The following OSBPL8 variants were observed in gnomAD, a reference collection of about 807,000 sequenced individuals.
OSBPL8 encodes the protein oxysterol binding protein like 8, also known as oxysterol-binding protein-related protein 8.
A neutral mutation model predicts 125.5 loss-of-function variants in OSBPL8; 59 were observed. The observed-to-expected ratio is 0.47, with a 90% confidence interval of 0.38 to 0.58. The LOEUF (loss-of-function observed/expected upper bound fraction) is 0.58, where lower values mean the gene tolerates loss of function less well. Ranked by LOEUF, OSBPL8 falls within the 20% of genes least tolerant of loss-of-function variation. OSBPL8 has a pLI of 0.00. For synonymous variants in OSBPL8, 330 were observed against 338.9 expected, an observed-to-expected ratio of 0.97 and a Z score of 0.29; for missense variants, 758 against 1,047.8, an observed-to-expected ratio of 0.72 and a Z score of 3.82.
Position 76,418,812 on chromosome 12 carries a change from G to A in OSBPL8, c.218-8178C>T, listed in dbSNP as rs955868591. ...GGTGCCTCTGTGCTCCAGCCTGGGCGACAGAGTGAGACTCCATCTCAAAAC... is the reference window on the plus strand; with the variant it reads ...GGTGCCTCTGTGCTCCAGCCTGGGCAACAGAGTGAGACTCCATCTCAAAAC... On this transcript the variant is annotated intron_variant, in intron 4 of 23. Transcript: ENST00000261183. 3.3e-5 allele frequency among the ~76,000 whole-genome samples: 5 copies of A among 152,214 alleles called. No individual in the cohort carries two copies. The South Asian group carries it at 6.2e-4, about 19-fold the overall frequency.
chr12:76,549,424 CT>C (rs1223783477), intron 1 of OSBPL8, among the ~76,000 whole-genome samples: 1 of 151,936 alleles, frequency 6.6e-6, no homozygotes, highest in Non-Finnish European at 1.5e-5. Flanking sequence ...ATGACTCCTT[CT>C]TTTTTTCTTT....
intron 2 of OSBPL8, among the ~76,000 whole-genome samples, chr12:76,464,042 C>T (rs74103470): frequency 0.046 from 6,979 of 152,230 alleles, 578 homozygotes; most frequent in African/African-American, 0.16. Context: ...AAATGCTAGG[C>T]GTTCTTCTTG....
rs563913977 is a variant in OSBPL8 at position 76,522,573 on chromosome 12, C to T, written c.-67-34955G>A. Among the ~76,000 whole-genome samples the T allele has an allele frequency of 2.6e-5, 4 of 152,170 alleles. No homozygotes were observed. The East Asian group carries it at 7.8e-4, about 30-fold the overall frequency. On this transcript the variant is annotated intron_variant, in intron 1 of 23. Transcript: ENST00000261183. ...GTGGGTTGCTATAAAGCCAGGACAC[C>T]CTTTAGGTTTGGTATCTCTTCACAT...
intron 4 of OSBPL8, among the ~76,000 whole-genome samples, chr12:76,416,807 A>G (rs1868733644): frequency 6.6e-6 from 1 of 152,064 alleles, no homozygotes; most frequent in Non-Finnish European, 1.5e-5. Context: ...ACCTAGATTT[A>G]TATTTATCTT....
At chr12:76,384,583 C>T (rs1389970635) in intron 14 of OSBPL8, among the ~76,000 whole-genome samples, 1 of 152,130 alleles carries the variant, frequency 6.6e-6, no homozygotes, top group African/African-American at 2.4e-5. Flanking sequence ...TTATATTGTA[C>T]TGAAGTTGGT....
chr12:76,550,282 A>G (rs1436130073), intron 1 of OSBPL8, among the ~76,000 whole-genome samples: 2 of 152,186 alleles, frequency 1.3e-5, no homozygotes, highest in South Asian at 2.1e-4. Flanking sequence ...AATAAAGTCT[A>G]CTAATTCTCT....
chr12:76,458,804 T>C (rs977664273), intron 3 of OSBPL8, among the ~76,000 whole-genome samples: 5 of 152,174 alleles, frequency 3.3e-5, no homozygotes, highest in African/African-American at 1.2e-4. Context: ...TGATCTAGAC[T>C]AAAAAAGTTT....
chr12:76,440,421 T>C (rs1051582558), intron 4 of OSBPL8, among the ~76,000 whole-genome samples: 2 of 152,196 alleles, frequency 1.3e-5, no homozygotes, highest in African/African-American at 4.8e-5. Context: ...TTTTAAATTA[T>C]GAGCTCATAT....
chr12:76,483,711 G>A (rs1445709492), intron 2 of OSBPL8, among the ~76,000 whole-genome samples: 2 of 84,996 alleles, frequency 2.4e-5, no homozygotes, highest in East Asian at 4.3e-4. Flanking sequence ...TTTCACTCTT[G>A]TCACCCAGGC....
At chr12:76,367,980 A>G (rs1952483632) in intron 21 of OSBPL8, among the ~76,000 whole-genome samples, 1 of 152,234 alleles carries the variant, frequency 6.6e-6, no homozygotes, top group South Asian at 2.1e-4. Flanking sequence ...TACAAACTAA[A>G]ATTACAATAG....
At chr12:76,483,263 A>G (rs1021899825) in intron 2 of OSBPL8, among the ~76,000 whole-genome samples, 26 of 133,526 alleles carry the variant, frequency 1.9e-4, no homozygotes, top group African/African-American at 7.3e-4. Flanking sequence ...TCTGTCTCAA[A>G]AAATAACATA....
intron 2 of OSBPL8, among the ~76,000 whole-genome samples, chr12:76,483,170 G>T (rs1171522591): frequency 2.0e-5 from 3 of 152,046 alleles, no homozygotes; most frequent in African/African-American, 7.3e-5. Context: ...TGAGACAGGA[G>T]AATGATGTGA....
chr12:76,369,725 T>C lies in OSBPL8; in HGVS notation c.2152A>G (p.Arg718Gly), dbSNP rs773727707. 23 of 1,613,612 alleles carry C rather than the reference T, an allele frequency of 1.4e-5. No homozygotes were observed. The Admixed American group carries it at 1.8e-4, about 13-fold the overall frequency. ...TCTTCATTTTTTGTTTTCCGATCCCTGGCAGCTTGTCTTTGAGCTTCTTCC... is the reference window on the plus strand; with the variant it reads ...TCTTCATTTTTTGTTTTCCGATCCCCGGCAGCTTGTCTTTGAGCTTCTTCC... ...VLEEAQRQAA[R>G]DRKTKNEEWS... Residue 718 changes from arginine to glycine, a missense_variant, in exon 20 of 24, where the codon AGG becomes GGG. By Grantham distance (125) the Arg-to-Gly change is moderately radical. Around this residue, in one of 3 missense-constraint regions of OSBPL8, gnomAD observed 572 missense variants for 762.0 expected, o/e 0.75. Transcript: ENST00000261183.
At chr12:76,467,871 G>A (rs73383601) in intron 2 of OSBPL8, among the ~76,000 whole-genome samples, 6,054 of 152,050 alleles carry the variant, frequency 0.04, 369 homozygotes, top group African/African-American at 0.13. Context: ...TATGTATTAC[G>A]GTTTATTCAA....
chr12:76,394,359 A>G (rs928671809), intron 9 of OSBPL8, among the ~76,000 whole-genome samples: 2 of 152,168 alleles, frequency 1.3e-5, no homozygotes, highest in African/African-American at 4.8e-5. Flanking sequence ...CTTTAAGAGT[A>G]CCATAAAGAC....
At chr12:76,424,716 G>A (rs1869936992) in intron 4 of OSBPL8, among the ~76,000 whole-genome samples, 1 of 151,976 alleles carries the variant, frequency 6.6e-6, no homozygotes, top group Non-Finnish European at 1.5e-5. Flanking sequence ...ATTGTTATGA[G>A]GATTAAATCA....
At chr12:76,385,068 T>G (rs1953252042) in intron 14 of OSBPL8, among the ~76,000 whole-genome samples, 1 of 152,188 alleles carries the variant, frequency 6.6e-6, no homozygotes, top group Non-Finnish European at 1.5e-5. Context: ...TCTAATGCCT[T>G]CAACAATATA....
intron 2 of OSBPL8, among the ~76,000 whole-genome samples, chr12:76,475,696 C>G (rs531106140): frequency 7.9e-5 from 12 of 152,254 alleles, no homozygotes; most frequent in African/African-American, 2.9e-4. Context: ...CCGACCCTAG[C>G]CCCTGAACCC....
chr12:76,532,197 A>G (rs566739058), intron 1 of OSBPL8, among the ~76,000 whole-genome samples: 1 of 152,226 alleles, frequency 6.6e-6, no homozygotes, highest in East Asian at 1.9e-4. Context: ...TTCAGCTGAA[A>G]TAACATTCTA....
Sources: allele counts gnomAD v4.1 joint callset (sites outside exome capture counted in the v4.1 genomes callset), GRCh38; gene constraint gnomAD v4.1.1; regional missense constraint gnomAD v4.1.1; transcripts MANE v1.5; gene names NCBI Gene and HGNC (gene_info 2026-07-23, HGNC 2026-07-21).